The following CENPT variants were observed in gnomAD, a reference collection of about 807,000 sequenced individuals.
CENPT encodes centromere protein T.
A neutral mutation model predicts 59.7 loss-of-function variants in CENPT; 42 were observed. The ratio of observed to expected loss-of-function variants is 0.70; its 90% CI spans 0.55 to 0.91. The LOEUF is 0.91. Ranked by LOEUF, CENPT falls within the 40% of genes least tolerant of loss-of-function variation. CENPT has a pLI of 0.00. For missense variants in CENPT, 716 were observed against 713.4 expected (o/e 1.00, Z -0.04); for synonymous variants, 295 against 289.6 (o/e 1.02, Z -0.19).
At chr16:67,841,972 G>A (rs1231772050) in intron 1 of CENPT, 1 of 152,270 alleles carries the variant, frequency 6.6e-6, no homozygotes, top group African/African-American at 2.4e-5. Flanking sequence ...CGCTTCGGAG[G>A]GAAGGCGCCT....
rs762773277 is a variant in CENPT, at chr16:67,842,875, ACAGCAG to A, written c.-492+4520_-492+4525del. 85 of 1,600,048 alleles carry A rather than the reference ACAGCAG, an allele frequency of 5.3e-5. No homozygotes were observed. Among genetic ancestry groups the A allele is most frequent in the African/African-American group, 2.4e-4 (18 of 74,208 alleles). On this transcript the variant is annotated intron_variant, in intron 1 of 15. Coordinates refer to ENST00000562787, the MANE Select transcript of CENPT (RefSeq NM_025082.4). The surrounding 1 kb of genome is among the most constrained non-coding windows in gnomAD (Gnocchi z 4.9). ...CCGCCCGCCGCAGGCAGCAGCAGCAACAGCAGCAGCAGCAGCAACAGCAGCAACAGC... is the reference window on the plus strand; with the variant it reads ...CCGCCCGCCGCAGGCAGCAGCAGCAACAGCAGCAGCAACAGCAGCAACAGC...
Position 67,832,439 on chromosome 16 carries a change from T to A in CENPT, c.201+16A>T, listed in dbSNP as rs1372255270. 2 of 1,613,550 alleles carry A rather than the reference T, an allele frequency of 1.2e-6. No homozygotes were observed. Among genetic ancestry groups the A allele is most frequent in the Non-Finnish European group, 1.7e-6 (2 of 1,179,442 alleles). ...GGCAGCCAGGGCCCTTTGGGGTCAG[T>A]GGGCTGGGTACTTACCCTGGCTCCA... On this transcript the variant is annotated intron_variant, in intron 5 of 15. Coordinates refer to ENST00000562787, the MANE Select transcript of CENPT (RefSeq NM_025082.4).
At chr16:67,838,635 GA>G (rs570984661) in intron 1 of CENPT, among the ~76,000 whole-genome samples, 21 of 144,822 alleles carry the variant, frequency 1.5e-4, no homozygotes, top group Admixed American at 5.5e-4. Context: ...AAAAAAAAAA[GA>G]AAAAAAAATG....
intron 10 of CENPT, chr16:67,830,865 T>C: frequency 2.0e-6 from 1 of 510,638 alleles, no homozygotes; most frequent in Non-Finnish European, 3.5e-6. Context: ...CCAAACCCTC[T>C]TCTTACTCTG....
rs116942005 is a variant in CENPT at position 67,835,851 on chromosome 16, T to G, written c.-491-193A>C. Among the ~76,000 whole-genome samples, 313 of 152,154 alleles carry G rather than the reference T, an allele frequency of 2.1e-3. 1 individual carries two copies. Among genetic ancestry groups the G allele is most frequent in the East Asian group, 0.012 (62 of 5,194 alleles). The stretch of plus-strand genomic sequence containing the variant: ...CAGTTTTTTTTTTGTTTTTGTTTTT[T>G]TTTTGAGATGTTCTCCTGCCTCAGC... On this transcript the variant is annotated intron_variant, in intron 1 of 15. Coordinates refer to ENST00000562787, the MANE Select transcript of CENPT (RefSeq NM_025082.4).
At chr16:67,831,393 TACCTGAG>T in intron 9 of CENPT, 35 bp from the exon 10 acceptor site, 1 of 1,605,076 alleles carries the variant, frequency 6.2e-7, no homozygotes, top group Non-Finnish European at 8.5e-7. Context: ...GAAAGTCAGG[TACCTGAG>T]ACCCAGTTTG....
At chr16:67,828,453 C>A (rs761646691) in intron 15 of CENPT, 21 bp downstream of exon 15, 1 of 1,614,136 alleles carries the variant, frequency 6.2e-7, no homozygotes, top group Non-Finnish European at 8.5e-7. Context: ...GCCAGCACCC[C>A]CACACCTTCC....
chr16:67,831,307 C>A lies in CENPT; in HGVS notation c.612G>T (p.Arg204Ser). The change falls in exon 10 of 16, where the codon AGG becomes AGT. Residue 204 changes from arginine (R) to serine (S), a missense_variant. Coordinates refer to ENST00000562787, the MANE Select transcript of CENPT (RefSeq NM_025082.4). ...CTGGAGGTCTGCGGGCCAAGCCAGGCCTCTGCACTGACTGTGGCTGAAGAG... is the reference window on the plus strand; with the variant it reads ...CTGGAGGTCTGCGGGCCAAGCCAGGACTCTGCACTGACTGTGGCTGAAGAG... ...ATPLQPQSVQ[R>S]PGLARRPPAR... The A allele has an allele frequency of 1.3e-5, 21 of 1,614,194 alleles. No individual in the cohort carries two copies. Among genetic ancestry groups the A allele is most frequent in the Non-Finnish European group, 1.7e-5 (20 of 1,180,026 alleles).
Position 67,828,159 on chromosome 16 carries a change from C to A in CENPT, c.*108G>T. ...GACATGCACCAAAATGCAGAATATTCTGTTTATGACACTTTATTGATGCTG... is the reference window on the plus strand; with the variant it reads ...GACATGCACCAAAATGCAGAATATTATGTTTATGACACTTTATTGATGCTG... On this transcript the variant is annotated 3_prime_UTR_variant, in exon 16 of 16. Coordinates refer to ENST00000562787, the MANE Select transcript of CENPT (RefSeq NM_025082.4). 1 of 1,480,408 alleles carries A rather than the reference C, an allele frequency of 6.8e-7. No homozygotes were observed. Among genetic ancestry groups the A allele is most frequent in the Non-Finnish European group, 9.1e-7 (1 of 1,103,248 alleles). The allele number at this position is 1,480,408 out of a possible 1,614,324, so 91.7% of individuals were successfully genotyped here.
chr16:67,829,908 T>C lies in CENPT; in HGVS notation c.1043A>G (p.Glu348Gly). 1 of 1,614,236 alleles carries C rather than the reference T, an allele frequency of 6.2e-7. No individual in the cohort carries two copies. The highest frequency in any genetic ancestry group is 1.3e-5 in the African/African-American group (1 of 75,068). The stretch of plus-strand genomic sequence containing the variant: ...GCTGGGTCCTTGTGCTCCTGTTGCC[T>C]CCATTTCACTCACACTCACACCTTC... ...EEEGVSVSEMEATGAQGPSRV... is the reference protein window; with the variant it reads ...EEEGVSVSEMGATGAQGPSRV... The change falls in exon 12 of 16, where the codon GAG (glutamate) becomes GGG (glycine). Residue 348 changes from glutamate to glycine, a missense_variant. Coordinates refer to ENST00000562787, the MANE Select transcript of CENPT (RefSeq NM_025082.4).
chr16:67,831,350 T>A lies in CENPT; in HGVS notation c.569A>T (p.Asn190Ile). 1 of 1,613,614 alleles carries A rather than the reference T, an allele frequency of 6.2e-7. No homozygotes were observed. Among genetic ancestry groups the A allele is most frequent in the Non-Finnish European group, 8.5e-7 (1 of 1,179,678 alleles). Residue 190 changes from asparagine to isoleucine, a missense_variant, in exon 10 of 16, where the codon AAC becomes ATC. Transcript: ENST00000562787. ...CTGAAGAGGTGTGGCAAAGGTCAGG[T>A]TGAGGGATCTGGTGAGGTGGGGAGG... is the stretch of plus-strand genomic sequence containing the variant. ...ADASSLTRSL[N>I]LTFATPLQPQ...
chr16:67,833,994 C>T lies in CENPT; in HGVS notation c.-135G>A, dbSNP rs369878944. 3 of 582,036 alleles carry T rather than the reference C, an allele frequency of 5.2e-6. No individual in the cohort carries two copies. Among genetic ancestry groups the T allele is most frequent in the Middle Eastern group, 3.3e-4 (1 of 3,052 alleles). The allele number at this position is 582,036 out of a possible 1,614,324, so 36.1% of individuals were successfully genotyped here. A position where few individuals can be genotyped will look rare whatever the true frequency, so the allele number is the denominator to read the frequency against. On this transcript the variant is annotated 5_prime_UTR_variant, in exon 4 of 16. Transcript: ENST00000562787. ...GTAGTTCTCGCACTATCGCAGCTCG[C>T]GGGGTGGACAGTGATGGTTGCAAAC... is the stretch of plus-strand genomic sequence containing the variant.
chr16:67,843,631 C>T lies in CENPT; in HGVS notation c.-492+3770G>A, dbSNP rs575600408. ...GGCTTAAGGCAGCTGGACTCTCTTG[C>T]TGGTGACCTGGCATCCTCAATTGTT... On this transcript the variant is annotated intron_variant, in intron 1 of 15. Transcript: ENST00000562787. The surrounding 1 kb of genome is among the most constrained non-coding windows in gnomAD (Gnocchi z 5.7). 54 of 889,110 alleles carry T rather than the reference C, an allele frequency of 6.1e-5. No homozygotes were observed. In the South Asian group the frequency reaches 9.5e-4, roughly 16 times the overall value. 55.1% of individuals were successfully genotyped at this position (889,110 alleles called of 1,614,324 possible).
At position 67,831,300 on chromosome 16, in the gene CENPT, A is replaced by C. The variant is rs762115986; in HGVS notation, c.619T>G (p.Leu207Val). 5 of 1,614,192 alleles carry C rather than the reference A, an allele frequency of 3.1e-6. No individual in the cohort carries two copies. Among genetic ancestry groups the C allele is most frequent in the Non-Finnish European group, 4.2e-6 (5 of 1,180,026 alleles). The change falls in exon 10 of 16, where the codon TTG becomes GTG. Residue 207 changes from leucine (L) to valine (V), a missense_variant. Coordinates refer to ENST00000562787, the MANE Select transcript of CENPT (RefSeq NM_025082.4). ...CGGCGGGCTGGAGGTCTGCGGGCCA[A>C]GCCAGGCCTCTGCACTGACTGTGGC... ...LQPQSVQRPG[L>V]ARRPPARRAV...
chr16:67,830,661 A>G (rs2057678471), intron 10 of CENPT, 113 bp from the exon 11 acceptor site: 1 of 1,110,684 alleles, frequency 9.0e-7, no homozygotes, highest in Non-Finnish European at 1.3e-6. Flanking sequence ...CAGGGCCTGG[A>G]CAGTGGGCTG....
In CENPT at chr16:67,843,072, T is replaced by C; in HGVS notation, c.-492+4329A>G. The C allele has an allele frequency of 6.2e-7, 1 of 1,611,626 alleles. No homozygotes were observed. The highest frequency in any genetic ancestry group is 8.5e-7 in the Non-Finnish European group (1 of 1,180,008). The stretch of plus-strand genomic sequence containing the variant: ...GACAGCAGTCAGGCTCCGGGATCCG[T>C]ACAGCCGGCGCCCATCACTCCCACT... On this transcript the variant is annotated intron_variant, in intron 1 of 15. Coordinates refer to ENST00000562787, the MANE Select transcript of CENPT (RefSeq NM_025082.4). This position sits in a 1 kb window ranked among gnomAD's most constrained non-coding sequence, Gnocchi z 5.7.
At position 67,828,583 on chromosome 16, in the gene CENPT, C is replaced by G; in HGVS notation, c.1458-5G>C. On this transcript the variant is annotated splice_region_variant and splice_polypyrimidine_tract_variant and intron_variant, in intron 14 of 15. Coordinates refer to ENST00000562787, the MANE Select transcript of CENPT (RefSeq NM_025082.4). ...TGCTGGAAATATTTATCTAGGCTGT[C>G]AAGAAGGTGGGGATAGAGCAGGCTG... 1.2e-6 allele frequency: 2 copies of G among 1,614,122 alleles called. No homozygotes were observed. Among genetic ancestry groups the G allele is most frequent in the Non-Finnish European group, 1.7e-6 (2 of 1,180,004 alleles).
intron 11 of CENPT, 21 bp downstream of exon 11, chr16:67,830,369 C>A (rs1389435092): frequency 2.5e-6 from 4 of 1,584,820 alleles, no homozygotes; most frequent in Non-Finnish European, 3.4e-6. Context: ...TGGCTCCAGG[C>A]CACCAGTGCC....
intron 11 of CENPT, 123 bp from the exon 12 acceptor site, chr16:67,830,211 C>T: frequency 1.6e-6 from 2 of 1,224,292 alleles, no homozygotes; most frequent in Non-Finnish European, 1.2e-6. Flanking sequence ...AAGCCAGAGG[C>T]AGCACCAGGA....
Sources: allele counts gnomAD v4.1 joint callset (sites outside exome capture counted in the v4.1 genomes callset), GRCh38; gene constraint gnomAD v4.1.1; non-coding constraint Gnocchi (gnomAD v3.1); transcripts MANE v1.5; gene names NCBI Gene and HGNC (gene_info 2026-07-23, HGNC 2026-07-21).